The following ABCA13 variants were observed in gnomAD, a reference collection of about 807,000 sequenced individuals.
ABCA13 encodes ATP binding cassette subfamily A member 13.
Under a neutral mutation model 478.7 loss-of-function variants are expected in ABCA13, and 476 were observed. The ratio of observed to expected loss-of-function variants is 0.99; its 90% CI spans 0.92 to 1.07. The LOEUF is 1.07. Among genes scored for constraint, ABCA13 ranks in the 50% least tolerant of loss-of-function variants. The pLI is 0.00. For synonymous variants in ABCA13, 2,252 were observed against 2,158.9 expected (o/e 1.04, Z -1.20); for missense variants, 6,060 against 5,910.6 (o/e 1.03, Z -0.83).
At chr7:48,361,196 C>A (rs527663580) in intron 31 of ABCA13, among the ~76,000 whole-genome samples, 1 of 151,968 alleles carries the variant, frequency 6.6e-6, no homozygotes, top group East Asian at 1.9e-4. Context: ...CACAGCACCT[C>A]TTTAAAACTT....
chr7:48,544,854 G>C (rs563994369), intron 55 of ABCA13, among the ~76,000 whole-genome samples: 26 of 151,900 alleles, frequency 1.7e-4, no homozygotes, highest in African/African-American at 6.3e-4. Context: ...GCGGTCTTGG[G>C]GACTGAGCCC....
intron 55 of ABCA13, among the ~76,000 whole-genome samples, chr7:48,545,572 A>G (rs1341948336): frequency 6.6e-6 from 1 of 151,608 alleles, no homozygotes; most frequent in African/African-American, 2.4e-5. Context: ...TTTTTTCAAG[A>G]GCCCATTAAA....
intron 39 of ABCA13, among the ~76,000 whole-genome samples, chr7:48,409,863 G>A (rs967138218): frequency 1.3e-5 from 2 of 151,270 alleles, no homozygotes; most frequent in Non-Finnish European, 1.5e-5. Context: ...GTGGACCATC[G>A]GAGGTCAGAA....
Position 48,272,259 on chromosome 7 carries a change from G to T in ABCA13, c.2593G>T (p.Glu865Ter). ...TTTAAATTTTTCTGTTCCAGAAAAT[G>T]AGATTCTGAGTACAAGTTTTAACTT... ...TLLNFSVPEN[E>*]ILSTSFNFSQ... The change falls in exon 17 of 62, where the codon GAG becomes TAG. Residue 865 changes from glutamate (E) to a stop codon, truncating the protein, a stop_gained. Coordinates refer to ENST00000435803, the MANE Select transcript of ABCA13 (RefSeq NM_152701.5). LOFTEE classifies it high-confidence loss of function. 2 of 1,612,992 alleles carry T rather than the reference G, an allele frequency of 1.2e-6. No individual in the cohort carries two copies. Among genetic ancestry groups the T allele is most frequent in the South Asian group, 1.1e-5 (1 of 90,786 alleles).
chr7:48,315,810 GA>G (rs1802504069), intron 26 of ABCA13, among the ~76,000 whole-genome samples: 1 of 152,226 alleles, frequency 6.6e-6, no homozygotes, highest in Admixed American at 6.5e-5. Context: ...ATACTTTGGG[GA>G]AAGTATTTCT....
At chr7:48,617,771 G>A (rs181169723) in intron 59 of ABCA13, among the ~76,000 whole-genome samples, 3 of 152,242 alleles carry the variant, frequency 2.0e-5, no homozygotes, top group African/African-American at 7.2e-5. Context: ...AAATTCGCCC[G>A]TGACAGGAAG....
chr7:48,411,309 C>A (rs1685275573), intron 40 of ABCA13, among the ~76,000 whole-genome samples: 1 of 92,780 alleles, frequency 1.1e-5, no homozygotes, highest in Non-Finnish European at 2.4e-5. Flanking sequence ...CTTTTCTTTT[C>A]TTTTCTTTTC....
rs761050883 is a variant in ABCA13 at position 48,275,007 on chromosome 7, A to T, written c.5341A>T (p.Ile1781Leu). 5.6e-6 allele frequency: 9 copies of T among 1,613,836 alleles called. No homozygotes were observed. The highest frequency in any genetic ancestry group is 7.6e-6 in the Non-Finnish European group (9 of 1,179,866). ...CTACAGCTTCACACTCCTTCATGGCATAACCATTTCAAATATCACCAAGGA... is the reference window on the plus strand; with the variant it reads ...CTACAGCTTCACACTCCTTCATGGCTTAACCATTTCAAATATCACCAAGGA... ...DVYSFTLLHG[I>L]TISNITKEDF... The change falls in exon 17 of 62, where the codon ATA becomes TTA. Residue 1781 changes from isoleucine to leucine, a missense_variant. Around this residue, in one of 3 missense-constraint regions of ABCA13, gnomAD observed 4,423 missense variants for 4,309.1 expected, o/e 1.03. Transcript: ENST00000435803.
At chr7:48,298,730 T>C (rs1799744120) in intron 23 of ABCA13, among the ~76,000 whole-genome samples, 1 of 152,232 alleles carries the variant, frequency 6.6e-6, no homozygotes, top group African/African-American at 2.4e-5. Flanking sequence ...TTTCTTTATT[T>C]GGAGTTAGAA....
intron 38 of ABCA13, among the ~76,000 whole-genome samples, chr7:48,398,392 C>T (rs28541964): frequency 0.42 from 63,753 of 151,802 alleles, 13,574 homozygotes; most frequent in Admixed American, 0.49. Context: ...ACAAAAGCAA[C>T]CAGAATAAGA....
rs1417689269 is a variant in ABCA13 at position 48,391,968 on chromosome 7, T to C, written c.11702T>C (p.Ile3901Thr). Residue 3901 changes from isoleucine (I) to threonine (T), a missense_variant, in exon 38 of 62, where the codon ATC becomes ACC. This residue lies in a region of ABCA13 where 1,627 missense variants were observed against 1,571.0 expected (regional missense o/e 1.04). Coordinates refer to ENST00000435803, the MANE Select transcript of ABCA13 (RefSeq NM_152701.5). Reference sequence around the variant, plus strand: ...CCTCCCACTTCTGGAACCATCATCATCAATGGCAAGAACCTACAGACAGAC... The same window carrying C: ...CCTCCCACTTCTGGAACCATCATCACCAATGGCAAGAACCTACAGACAGAC... ...LHPPTSGTII[I>T]NGKNLQTDLS... 6.2e-7 allele frequency: 1 copy of C among 1,613,978 alleles called. No individual in the cohort carries two copies. The highest frequency in any genetic ancestry group is 2.2e-5 in the East Asian group (1 of 44,850).
In ABCA13 at chr7:48,263,342, G is replaced by A. The variant is rs182182123; in HGVS notation, c.2006-5638G>A. Among the ~76,000 whole-genome samples, 9 of 151,992 alleles carry A rather than the reference G, an allele frequency of 5.9e-5. No homozygotes were observed. In the East Asian group the frequency reaches 1.5e-3, roughly 26 times the overall value. The stretch of plus-strand genomic sequence containing the variant: ...CATGATAAGTATGTGGTATAATAGA[G>A]ACATCATTTATTCTAGTCAATACAT... On this transcript the variant is annotated intron_variant, in intron 15 of 61. Coordinates refer to ENST00000435803, the MANE Select transcript of ABCA13 (RefSeq NM_152701.5).
In ABCA13 at chr7:48,239,238, C is replaced by T. The variant is rs1255755049; in HGVS notation, c.898-3C>T. On this transcript the variant is annotated splice_polypyrimidine_tract_variant and splice_region_variant and intron_variant, in intron 8 of 61. Transcript: ENST00000435803. Reference sequence around the variant, plus strand: ...TCTAAATATTTTTTCATATTGTTGTCAGATTCCCACAGACACTTCCTTGGA... The same window carrying T: ...TCTAAATATTTTTTCATATTGTTGTTAGATTCCCACAGACACTTCCTTGGA... 2.5e-6 allele frequency: 4 copies of T among 1,613,598 alleles called. No individual in the cohort carries two copies. The highest frequency in any genetic ancestry group is 3.4e-6 in the Non-Finnish European group (4 of 1,179,738).
At chr7:48,391,756 T>C (rs550430833) in intron 37 of ABCA13, among the ~76,000 whole-genome samples, 165 bp from the exon 38 acceptor site, 1 of 152,004 alleles carries the variant, frequency 6.6e-6, no homozygotes, top group East Asian at 1.9e-4. Flanking sequence ...CCAGCCAATG[T>C]ACCCTCAAAC....
intron 42 of ABCA13, among the ~76,000 whole-genome samples, chr7:48,438,885 T>TTTTG: frequency 1.5e-5 from 1 of 68,198 alleles, no homozygotes. Context: ...TTTGCTAAGG[T>TTTTG]TTTTTTTTTT....
At chr7:48,329,358 A>G (rs1055186039) in intron 27 of ABCA13, among the ~76,000 whole-genome samples, 7 of 152,142 alleles carry the variant, frequency 4.6e-5, no homozygotes, top group Non-Finnish European at 1.0e-4. Flanking sequence ...AAGTCTTTTA[A>G]GCTAGTTATT....
intron 48 of ABCA13, among the ~76,000 whole-genome samples, chr7:48,505,318 G>A (rs1187750603): frequency 1.3e-5 from 2 of 152,166 alleles, no homozygotes; most frequent in Admixed American, 6.5e-5. Flanking sequence ...TTGGAGCACT[G>A]TAGCCTGTTC....
In ABCA13 at chr7:48,459,128, G is replaced by A. The variant is rs564971692; in HGVS notation, c.12815+3842G>A. ...GGCAGGGCCTCTGTGCCTGTTTAGG[G>A]TGGAGGCGAGCAGCACAGAGCAGCC... On this transcript the variant is annotated intron_variant, in intron 43 of 61. Coordinates refer to ENST00000435803, the MANE Select transcript of ABCA13 (RefSeq NM_152701.5). Among the ~76,000 whole-genome samples, 13 of 152,318 alleles carry A rather than the reference G, an allele frequency of 8.5e-5. 1 individual carries two copies. The South Asian group carries it at 2.7e-3, about 32-fold the overall frequency.
chr7:48,196,016 G>A (rs978465220), intron 2 of ABCA13, among the ~76,000 whole-genome samples: 5 of 152,058 alleles, frequency 3.3e-5, no homozygotes, highest in African/African-American at 1.2e-4. Context: ...GGAGAAACGG[G>A]CAAAACAGGG....
Sources: gnomAD v4.1 joint callset for allele counts (sites outside exome capture counted in the v4.1 genomes callset) on GRCh38, gnomAD v4.1.1 for gene constraint, gnomAD v4.1.1 regional missense constraint, MANE v1.5 for transcripts, NCBI Gene and HGNC (gene_info 2026-07-23, HGNC 2026-07-21) for gene names.